Variants in OTOGL observed in about 807,000 individuals in gnomAD.
OTOGL encodes otogelin-like protein.
A neutral mutation model predicts 318.5 loss-of-function variants in OTOGL; 285 were observed. The ratio of observed to expected loss-of-function variants is 0.89; its 90% CI spans 0.81 to 0.99. The LOEUF (loss-of-function observed/expected upper bound fraction) is 0.99, where lower values mean the gene tolerates loss of function less well. OTOGL is among the 50% of genes least tolerant of loss of function. The pLI, the probability that OTOGL is intolerant of heterozygous loss-of-function variation, is 0.00. For missense variants in OTOGL, 2,899 were observed against 2,845.6 expected (o/e 1.02, Z -0.43); for synonymous variants, 987 against 936.5 (o/e 1.05, Z -0.99).
chr12:80,222,219 G>T lies in OTOGL; in HGVS notation c.463G>T (p.Asp155Tyr). The change falls in exon 7 of 59, where the codon GAT becomes TAT. Residue 155 changes from aspartate (D) to tyrosine (Y), a missense_variant. Physicochemically the swap from Asp to Tyr is radical, Grantham distance 160. This residue lies in a region of OTOGL where 2,607 missense variants were observed against 2,524.9 expected (regional missense o/e 1.03). Transcript: ENST00000547103. Reference sequence around the variant, plus strand: ...TTACATTTTTGCAAAGGACTGTGGTGATTTGGAGCCTCGGTACACTGTATG... The same window carrying T: ...TTACATTTTTGCAAAGGACTGTGGTTATTTGGAGCCTCGGTACACTGTATG... ...CSYIFAKDCG[D>Y]LEPRYTVWVH... is the part of the protein sequence containing the mutation. 1.3e-6 allele frequency: 2 copies of T among 1,597,142 alleles called. No homozygotes were observed. The highest frequency in any genetic ancestry group is 2.2e-5 in the South Asian group (2 of 90,920).
intron 9 of OTOGL, among the ~76,000 whole-genome samples, chr12:80,237,634 G>A (rs557223527): frequency 6.6e-6 from 1 of 151,930 alleles, no homozygotes; most frequent in African/African-American, 2.4e-5. Context: ...ATATATGAGG[G>A]GCAGAGCGGG....
intron 6 of OTOGL, 104 bp downstream of exon 6, chr12:80,220,016 TAGAGAG>T (rs930477788): frequency 4.7e-5 from 38 of 812,868 alleles, no homozygotes; most frequent in Non-Finnish European, 6.9e-5. Context: ...GTATATTAAC[TAGAGAG>T]CCCACAATTC....
chr12:80,101,061 C>T (rs1429432959), intron 1 of OTOGL, among the ~76,000 whole-genome samples: 1 of 152,056 alleles, frequency 6.6e-6, no homozygotes, highest in Non-Finnish European at 1.5e-5. Context: ...TGGTGAATAA[C>T]CATGCAATGA....
intron 26 of OTOGL, 113 bp from the exon 27 acceptor site, chr12:80,296,714 T>C (rs1885424730): frequency 1.2e-6 from 1 of 812,730 alleles, no homozygotes; most frequent in Admixed American, 3.8e-5. Context: ...AGGTAAGTTG[T>C]TTTTCAGTTC....
intron 26 of OTOGL, among the ~76,000 whole-genome samples, chr12:80,287,659 T>A (rs1884734849): frequency 6.6e-6 from 1 of 152,184 alleles, no homozygotes; most frequent in South Asian, 2.1e-4. Context: ...TATATCTTTC[T>A]TTGTCTTTTT....
chr12:80,207,701 C>T (rs1454195048), intron 1 of OTOGL, among the ~76,000 whole-genome samples: 1 of 152,070 alleles, frequency 6.6e-6, no homozygotes, highest in African/African-American at 2.4e-5. Context: ...TCAACTCTTT[C>T]CAGAAAAAGT....
intron 1 of OTOGL, among the ~76,000 whole-genome samples, chr12:80,179,485 T>G (rs1874769321): frequency 6.6e-6 from 1 of 152,168 alleles, no homozygotes. Flanking sequence ...CTTGGTCACT[T>G]CAAGTAATGT....
At chr12:80,322,182 C>T (rs976805716) in intron 34 of OTOGL, among the ~76,000 whole-genome samples, 3 of 152,120 alleles carry the variant, frequency 2.0e-5, no homozygotes, top group African/African-American at 7.2e-5. Flanking sequence ...GAGAGCTGTC[C>T]TCCTACACTG....
At chr12:80,156,164 C>A (rs763710569) in intron 1 of OTOGL, among the ~76,000 whole-genome samples, 3 of 152,142 alleles carry the variant, frequency 2.0e-5, no homozygotes, top group Non-Finnish European at 2.9e-5. Context: ...TGGATGGGCA[C>A]AATCTAATTA....
At chr12:80,123,483 G>A in intron 1 of OTOGL, among the ~76,000 whole-genome samples, 1 of 152,122 alleles carries the variant, frequency 6.6e-6, no homozygotes, top group East Asian at 1.9e-4. Flanking sequence ...GAATAGTGCT[G>A]CAATAAACAT....
intron 38 of OTOGL, among the ~76,000 whole-genome samples, chr12:80,334,514 G>A (rs1312110728): frequency 1.3e-5 from 2 of 152,098 alleles, no homozygotes; most frequent in African/African-American, 4.8e-5. Flanking sequence ...ATGAGACTGG[G>A]TGAGATAGTA....
chr12:80,222,650 G>A (rs534324627), intron 7 of OTOGL, among the ~76,000 whole-genome samples: 4 of 152,230 alleles, frequency 2.6e-5, no homozygotes, highest in South Asian at 4.2e-4. Context: ...GAGACCTCTC[G>A]AAAATATAAG....
chr12:80,351,716 T>A (rs1052525737), intron 44 of OTOGL, among the ~76,000 whole-genome samples: 7 of 152,236 alleles, frequency 4.6e-5, no homozygotes, highest in Non-Finnish European at 1.0e-4. Flanking sequence ...GAATAATGAG[T>A]TGAGAGAAAA....
At chr12:80,364,664 A>G (rs1282848027) in intron 52 of OTOGL, among the ~76,000 whole-genome samples, 1 of 152,108 alleles carries the variant, frequency 6.6e-6, no homozygotes, top group East Asian at 1.9e-4. Flanking sequence ...AGAGAATTGT[A>G]TAATATGTGG....
intron 1 of OTOGL, among the ~76,000 whole-genome samples, chr12:80,189,134 T>C (rs74674705): frequency 1.3e-5 from 2 of 152,334 alleles, no homozygotes; most frequent in East Asian, 3.9e-4. Context: ...TTGGTTAATG[T>C]ATCATAAATA....
chr12:80,261,991 G>A lies in OTOGL; in HGVS notation c.1912G>A (p.Gly638Ser), dbSNP rs778240387. ...DFLSPSGMIE[G>S]TPQLHANAWR... The stretch of plus-strand genomic sequence containing the variant: ...TAGTTCTCCATCAGGCATGATAGAA[G>A]GTACACCACAACTTCACGCAAATGC... Residue 638 changes from glycine to serine, a missense_variant, in exon 19 of 59, where the codon GGT becomes AGT. Physicochemically the swap from Gly to Ser is moderately conservative, Grantham distance 56. Transcript: ENST00000547103. The A allele has an allele frequency of 2.5e-6, 4 of 1,611,806 alleles. No homozygotes were observed. The highest frequency in any genetic ancestry group is 3.4e-6 in the Non-Finnish European group (4 of 1,178,676).
intron 44 of OTOGL, among the ~76,000 whole-genome samples, chr12:80,349,770 T>G (rs557331339): frequency 1.7e-4 from 25 of 145,340 alleles, no homozygotes; most frequent in African/African-American, 5.8e-4. Context: ...ATCTTAGGGT[T>G]TTTTTCTGCA....
intron 1 of OTOGL, among the ~76,000 whole-genome samples, chr12:80,200,378 T>C (rs541435018): frequency 2.0e-5 from 3 of 152,340 alleles, no homozygotes; most frequent in East Asian, 1.9e-4. Context: ...TGTTCCACTT[T>C]TCTCTATGAA....
At chr12:80,103,384 T>C in intron 1 of OTOGL, 1 of 904,436 alleles carries the variant, frequency 1.1e-6, no homozygotes, top group Non-Finnish European at 1.8e-6. Flanking sequence ...TCTTGCAGGC[T>C]TCACATTCCT....
Sources: allele counts gnomAD v4.1 joint callset (sites outside exome capture counted in the v4.1 genomes callset), GRCh38; gene constraint gnomAD v4.1.1; regional missense constraint gnomAD v4.1.1; transcripts MANE v1.5; gene names NCBI Gene and HGNC (gene_info 2026-07-23, HGNC 2026-07-21).